Variants in IL1RAPL1 observed in about 807,000 individuals in gnomAD.
IL1RAPL1 encodes the protein interleukin-1 receptor accessory protein-like 1.
IL1RAPL1 carries 3 observed loss-of-function variants against 48.4 expected under a neutral mutation model. The ratio of observed to expected loss-of-function variants is 0.06; its 90% CI spans 0.03 to 0.16. The LOEUF is 0.16. IL1RAPL1 is among the 10% of genes least tolerant of loss of function. IL1RAPL1 has a pLI of 1.00. For missense variants in IL1RAPL1, 349 were observed against 530.6 expected (o/e 0.66, Z 3.36); for synonymous variants, 185 against 187.7 (o/e 0.99, Z 0.12).
chrX:29,906,520 T>TATATA (rs1932635397), intron 6 of IL1RAPL1, among the ~76,000 whole-genome samples: 2 of 59,412 alleles, frequency 3.4e-5, no homozygotes, highest in Non-Finnish European at 6.0e-5. Context: ...TATATATATA[T>TATATA]ATTTCTGTAG....
At chrX:29,152,673 T>C in intron 2 of IL1RAPL1, among the ~76,000 whole-genome samples, 1 of 112,233 alleles carries the variant, frequency 8.9e-6, no homozygotes, top group Middle Eastern at 4.6e-3. Flanking sequence ...TGTCTGAAAA[T>C]GTAACAGCCT....
intron 1 of IL1RAPL1, 97 bp from the exon 2 acceptor site, chrX:28,789,223 G>A: frequency 2.0e-6 from 1 of 499,843 alleles, no homozygotes; most frequent in Non-Finnish European, 3.5e-6. Flanking sequence ...GTAATTCATT[G>A]CACCGATCAT....
chrX:28,794,549 C>G (rs1467602980), intron 2 of IL1RAPL1, among the ~76,000 whole-genome samples: 1 of 111,380 alleles, frequency 9.0e-6, no homozygotes, highest in African/African-American at 3.3e-5. Context: ...GGAATTTCAT[C>G]TATATAAAAG....
At chrX:28,923,240 G>A (rs943142491) in intron 2 of IL1RAPL1, among the ~76,000 whole-genome samples, 2 of 109,709 alleles carry the variant, frequency 1.8e-5, no homozygotes, top group African/African-American at 3.3e-5. Context: ...GCGATGGTGC[G>A]TTCTCGGCTC....
At chrX:29,306,530 GAAAAAAA>G (rs1166748708) in intron 3 of IL1RAPL1, among the ~76,000 whole-genome samples, 16 of 33,438 alleles carry the variant, frequency 4.8e-4, no homozygotes, top group African/African-American at 1.1e-3. Flanking sequence ...TCTGTCAAAA[GAAAAAAA>G]AAAAAAAAAA....
chrX:28,592,813 T>C (rs766908910), intron 1 of IL1RAPL1, among the ~76,000 whole-genome samples: 11 of 112,049 alleles, frequency 9.8e-5, no homozygotes, highest in Admixed American at 7.6e-4. Flanking sequence ...GGATTCCCAA[T>C]ATATTTTTGT....
chrX:29,115,427 G>A (rs1045968745), intron 2 of IL1RAPL1, among the ~76,000 whole-genome samples: 8 of 111,301 alleles, frequency 7.2e-5, no homozygotes, highest in Non-Finnish European at 1.3e-4. Flanking sequence ...CTATATATGC[G>A]GAGGCTGTTT....
intron 3 of IL1RAPL1, among the ~76,000 whole-genome samples, chrX:29,324,864 T>C (rs1932833360): frequency 8.9e-6 from 1 of 111,797 alleles, no homozygotes; most frequent in Non-Finnish European, 1.9e-5. Context: ...ACATTGTTGG[T>C]ATTATTCAAT....
intron 6 of IL1RAPL1, among the ~76,000 whole-genome samples, chrX:29,673,347 G>A (rs1056310989): frequency 1.8e-5 from 2 of 111,772 alleles, no homozygotes; most frequent in Admixed American, 1.9e-4. Flanking sequence ...GTTTTGCTGA[G>A]TTGTACAAGT....
At chrX:29,509,505 A>G (rs973864257) in intron 5 of IL1RAPL1, among the ~76,000 whole-genome samples, 60 of 112,634 alleles carry the variant, frequency 5.3e-4, no homozygotes, top group African/African-American at 1.9e-3. Context: ...GACTTTGAAA[A>G]AGTTAAAGTA....
chrX:29,547,374 A>G (rs1921656922), intron 5 of IL1RAPL1, among the ~76,000 whole-genome samples: 1 of 111,199 alleles, frequency 9.0e-6, no homozygotes, highest in Non-Finnish European at 1.9e-5. Context: ...GTCTTATAAA[A>G]TGAAGGACTG....
chrX:29,855,627 C>T lies in IL1RAPL1; in HGVS notation c.779-61837C>T, dbSNP rs186009564. On this transcript the variant is annotated intron_variant, in intron 6 of 10. Transcript: ENST00000378993. ...GAGGTTATAAGATTCCTTTTTTTCA[C>T]GAGGGCAGCTAATGCTGGAACTGCA... Among the ~76,000 whole-genome samples the T allele has an allele frequency of 1.5e-4, 17 of 110,655 alleles. No individual in the cohort carries two copies. The East Asian group carries it at 4.3e-3, about 28-fold the overall frequency.
intron 6 of IL1RAPL1, among the ~76,000 whole-genome samples, chrX:29,778,962 T>G (rs1929272345): frequency 9.0e-6 from 1 of 111,503 alleles, no homozygotes; most frequent in African/African-American, 3.3e-5. Context: ...TTGGGGGTCT[T>G]TTTAAAATGC....
At chrX:29,112,647 G>T (rs1272487703) in intron 2 of IL1RAPL1, among the ~76,000 whole-genome samples, 2 of 110,313 alleles carry the variant, frequency 1.8e-5, no homozygotes, top group Non-Finnish European at 3.8e-5. Context: ...AGTGTGACTG[G>T]TTTTAGTCAA....
intron 9 of IL1RAPL1, among the ~76,000 whole-genome samples, chrX:29,950,265 C>T (rs1933288586): frequency 8.9e-6 from 1 of 112,271 alleles, no homozygotes; most frequent in Non-Finnish European, 1.9e-5. Flanking sequence ...ATATATTAGT[C>T]TAGGCAAAAA....
At chrX:28,766,340 C>G (rs1238052836) in intron 1 of IL1RAPL1, among the ~76,000 whole-genome samples, 1 of 108,815 alleles carries the variant, frequency 9.2e-6, no homozygotes, top group Non-Finnish European at 1.9e-5. Context: ...CTAAGACTTC[C>G]TTTATCTTAG....
At chrX:29,465,136 G>A (rs979108400) in intron 5 of IL1RAPL1, among the ~76,000 whole-genome samples, 2 of 111,736 alleles carry the variant, frequency 1.8e-5, no homozygotes, top group Non-Finnish European at 3.8e-5. Context: ...TGGGAGTAGT[G>A]GCTTATACCT....
chrX:29,041,706 T>C (rs1374335744), intron 2 of IL1RAPL1, among the ~76,000 whole-genome samples: 1 of 111,808 alleles, frequency 8.9e-6, no homozygotes. Flanking sequence ...TATTAGTTCT[T>C]TATTTCTTCT....
At chrX:29,661,376 G>C (rs1232693841) in intron 5 of IL1RAPL1, among the ~76,000 whole-genome samples, 1 of 112,352 alleles carries the variant, frequency 8.9e-6, no homozygotes, top group African/African-American at 3.2e-5. Flanking sequence ...AGTGGTAAAA[G>C]TGGACATCTT....
Sources: gnomAD v4.1 joint callset for allele counts (sites outside exome capture counted in the v4.1 genomes callset) on GRCh38, gnomAD v4.1.1 for gene constraint, MANE v1.5 for transcripts, NCBI Gene and HGNC (gene_info 2026-07-23, HGNC 2026-07-21) for gene names.